The following PAQR3 variants were observed in gnomAD, a reference collection of about 807,000 sequenced individuals.
The protein encoded by PAQR3 is progestin and adipoQ receptor family member 3, also known as Raf kinase trapping to Golgi.
In PAQR3, 39 loss-of-function variants were observed where a neutral mutation model predicts 41.7. That is an observed-to-expected ratio of 0.93 (90% CI 0.72 to 1.22). PAQR3 has a LOEUF of 1.22. Ranked by LOEUF, PAQR3 falls within the 50% of genes most tolerant of loss-of-function variation. PAQR3 has a pLI of 0.00. For missense variants in PAQR3, 366 were observed against 385.6 expected (o/e 0.95, Z 0.42); for synonymous variants, 140 against 140.6 (o/e 1.00, Z 0.03).
intron 11 of PAQR3, among the ~76,000 whole-genome samples, chr4:78,901,529 G>A (rs1560554541): frequency 6.6e-6 from 1 of 152,114 alleles, no homozygotes; most frequent in Non-Finnish European, 1.5e-5. Context: ...GTTTAAGATG[G>A]TGCCATTCCT....
intron 11 of PAQR3, among the ~76,000 whole-genome samples, chr4:78,892,841 T>C (rs916218816): frequency 1.1e-4 from 16 of 152,224 alleles, no homozygotes; most frequent in African/African-American, 3.9e-4. Flanking sequence ...TGATAAAAAA[T>C]GCTAACAATC....
chr4:78,902,814 C>T (rs1222463534), intron 11 of PAQR3, among the ~76,000 whole-genome samples: 6 of 152,014 alleles, frequency 3.9e-5, no homozygotes, highest in African/African-American at 9.7e-5. Context: ...AAACATGCTT[C>T]TCTCTTCATA....
chr4:78,937,128 C>G (rs1368064672), intron 1 of PAQR3, among the ~76,000 whole-genome samples: 2 of 152,160 alleles, frequency 1.3e-5, no homozygotes, highest in Non-Finnish European at 2.9e-5. Flanking sequence ...CACGGCCAAC[C>G]CTTAGACTGA....
chr4:78,920,281 G>A lies in PAQR3; in HGVS notation c.*258C>T. 3 of 1,124,138 alleles carry A rather than the reference G, an allele frequency of 2.7e-6. No individual in the cohort carries two copies. The highest frequency in any genetic ancestry group is 3.3e-6 in the Non-Finnish European group (3 of 919,658). The allele number at this position is 1,124,138 out of a possible 1,614,324, so 69.6% of individuals were successfully genotyped here. On this transcript the variant is annotated 3_prime_UTR_variant, in exon 6 of 6. Coordinates refer to ENST00000512733, the MANE Select transcript of PAQR3 (RefSeq NM_001040202.2). ...TTTCAACACTAGTTTCCCATTCATCGTTGTTATTCAGATGTTTCTTATGAT... is the reference window on the plus strand; with the variant it reads ...TTTCAACACTAGTTTCCCATTCATCATTGTTATTCAGATGTTTCTTATGAT...
rs1391266290 is a variant in PAQR3, at chr4:78,913,834, CATT to C, written c.*6702_*6704del. Reference sequence around the variant, plus strand: ...TGTAGCAGAGGCAGACCAAGCATTACATTATTATTTAGAGCTGGACTGCACCAA... The same window carrying C: ...TGTAGCAGAGGCAGACCAAGCATTACATTATTTAGAGCTGGACTGCACCAA... On this transcript the variant is annotated 3_prime_UTR_variant, in exon 6 of 6. Transcript: ENST00000512733. 14 of 151,470 alleles carry C rather than the reference CATT, an allele frequency of 9.2e-5. No individual in the cohort carries two copies. The East Asian group carries it at 2.7e-3, about 29-fold the overall frequency. The allele number at this position is 151,470 out of a possible 1,614,324, so 9.4% of individuals were successfully genotyped here. A position where few individuals can be genotyped will look rare whatever the true frequency, so the allele number is the denominator to read the frequency against.
intron 5 of PAQR3, among the ~76,000 whole-genome samples, chr4:78,923,348 ATACTT>A (rs1735856030): frequency 6.6e-6 from 1 of 151,252 alleles, no homozygotes; most frequent in Non-Finnish European, 1.5e-5. Flanking sequence ...TTTTATTATT[ATACTT>A]TAAGTTCTAG....
chr4:78,905,885 A>G (rs1734258295), intron 11 of PAQR3, among the ~76,000 whole-genome samples: 1 of 152,022 alleles, frequency 6.6e-6, no homozygotes. Flanking sequence ...ATTCTTAGCT[A>G]GAGGTCACAT....
rs1735014410 is a variant in PAQR3 at position 78,915,896 on chromosome 4, A to G, written c.*4643T>C. On this transcript the variant is annotated 3_prime_UTR_variant, in exon 6 of 6. Transcript: ENST00000512733. ...TTGTGATTGAAAAGTCATCTAATAGAAGCTGTATAGAAGCTACTTTTTAAT... is the reference window on the plus strand; with the variant it reads ...TTGTGATTGAAAAGTCATCTAATAGGAGCTGTATAGAAGCTACTTTTTAAT... 1 of 151,936 alleles carries G rather than the reference A, an allele frequency of 6.6e-6. No individual in the cohort carries two copies. Among genetic ancestry groups the G allele is most frequent in the Non-Finnish European group, 1.5e-5 (1 of 67,888 alleles). 9.4% of individuals were successfully genotyped at this position (151,936 alleles called of 1,614,324 possible).
At position 78,919,674 on chromosome 4, in the gene PAQR3, G is replaced by A. The variant is rs1446647913; in HGVS notation, c.*865C>T. On this transcript the variant is annotated 3_prime_UTR_variant, in exon 6 of 6. Transcript: ENST00000512733. ...CAATGCTGGGAACCCCCACCACTGG[G>A]ATATTCAGGACTACAAATTCAGAGA... The A allele has an allele frequency of 1.0e-6, 1 of 984,990 alleles. No homozygotes were observed. The highest frequency in any genetic ancestry group is 1.2e-6 in the Non-Finnish European group (1 of 829,788). The allele number at this position is 984,990 out of a possible 1,614,324, so 61.0% of individuals were successfully genotyped here.
intron 1 of PAQR3, among the ~76,000 whole-genome samples, chr4:78,936,108 T>C (rs536188962): frequency 1.3e-5 from 2 of 152,310 alleles, no homozygotes; most frequent in South Asian, 4.1e-4. Context: ...CGGCTTCAGT[T>C]TCTTCATCTA....
At chr4:78,905,675 T>C (rs1383335506) in intron 11 of PAQR3, among the ~76,000 whole-genome samples, 4 of 152,052 alleles carry the variant, frequency 2.6e-5, no homozygotes, top group Non-Finnish European at 5.9e-5. Context: ...GCAACATATT[T>C]AGGCTTATAC....
chr4:78,888,060 C>T (rs1295787024), intron 12 of PAQR3: 1 of 152,184 alleles, frequency 6.6e-6, no homozygotes, highest in Admixed American at 6.5e-5. Flanking sequence ...GAAAAACTTA[C>T]AAATGTAAAG....
At position 78,914,723 on chromosome 4, in the gene PAQR3, T is replaced by C. The variant is rs1734898034; in HGVS notation, c.*5816A>G. The C allele has an allele frequency of 6.6e-6, 1 of 150,776 alleles. No individual in the cohort carries two copies. Among genetic ancestry groups the C allele is most frequent in the Non-Finnish European group, 1.5e-5 (1 of 67,618 alleles). The allele number at this position is 150,776 out of a possible 1,614,324, so 9.3% of individuals were successfully genotyped here. ...TTATATATGTACCACTAAGCAAATA[T>C]ATATATATATATATATTTGGGGTTT... On this transcript the variant is annotated 3_prime_UTR_variant, in exon 6 of 6. Coordinates refer to ENST00000512733, the MANE Select transcript of PAQR3 (RefSeq NM_001040202.2).
At chr4:78,938,251 C>A (rs548938852) in intron 1 of PAQR3, among the ~76,000 whole-genome samples, 1 of 152,162 alleles carries the variant, frequency 6.6e-6, no homozygotes, top group Non-Finnish European at 1.5e-5. Context: ...TATTTTAGTA[C>A]AGGTAGTAAG....
intron 5 of PAQR3, chr4:78,922,254 G>A: frequency 8.1e-7 from 1 of 1,232,206 alleles, no homozygotes; most frequent in Non-Finnish European, 1.0e-6. Flanking sequence ...GTTTTCCCTT[G>A]TATTTCCATT....
rs570193733 is a variant in PAQR3 at position 78,912,835 on chromosome 4, G to T, written c.*7704C>A. ...ATATGAAGAGAAATATCTGACATTT[G>T]TAAAGAAATTATAAGAAGAAAAAAA... On this transcript the variant is annotated 3_prime_UTR_variant, in exon 6 of 6. Transcript: ENST00000512733. 41 of 152,178 alleles carry T rather than the reference G, an allele frequency of 2.7e-4. 1 individual carries two copies. The highest frequency in any genetic ancestry group is 9.9e-4 in the African/African-American group (41 of 41,534). The allele number at this position is 152,178 out of a possible 1,614,324, so 9.4% of individuals were successfully genotyped here.
At chr4:78,909,487 C>T (rs1389889070), downstream of PAQR3, among the ~76,000 whole-genome samples, 1 of 152,120 alleles carries the variant, frequency 6.6e-6, no homozygotes, top group Non-Finnish European at 1.5e-5. Context: ...AGGACCTTCA[C>T]AGTCTGGCCT....
rs560966501 is a variant in PAQR3 at position 78,917,778 on chromosome 4, G to C, written c.*2761C>G. 2.6e-5 allele frequency: 25 copies of C among 979,076 alleles called. No individual in the cohort carries two copies. In the African/African-American group the frequency reaches 4.2e-4, roughly 16 times the overall value. 60.6% of individuals were successfully genotyped at this position (979,076 alleles called of 1,614,324 possible). A position where few individuals can be genotyped will look rare whatever the true frequency, so the allele number is the denominator to read the frequency against. ...GTAGGTACCTGCCAAATGGAGAGTTGTACAGTTTTACGGAAGTCAATCACA... is the reference window on the plus strand; with the variant it reads ...GTAGGTACCTGCCAAATGGAGAGTTCTACAGTTTTACGGAAGTCAATCACA... On this transcript the variant is annotated 3_prime_UTR_variant, in exon 6 of 6. Transcript: ENST00000512733.
Position 78,939,313 on chromosome 4 carries a change from C to T in PAQR3, c.-89G>A. ...GGGCTTCGCCGCTGGCGCCCCCGCC[C>T]CGGAGCCCGCGGACGCTGCGCGAGG... On this transcript the variant is annotated 5_prime_UTR_variant, in exon 1 of 6. Coordinates refer to ENST00000512733, the MANE Select transcript of PAQR3 (RefSeq NM_001040202.2). The T allele has an allele frequency of 7.8e-7, 1 of 1,280,018 alleles. No homozygotes were observed. Among genetic ancestry groups the T allele is most frequent in the Non-Finnish European group, 1.0e-6 (1 of 970,624 alleles). 79.3% of individuals were successfully genotyped at this position (1,280,018 alleles called of 1,614,324 possible). A position where few individuals can be genotyped will look rare whatever the true frequency, so the allele number is the denominator to read the frequency against.
Sources: gnomAD v4.1 joint callset for allele counts (sites outside exome capture counted in the v4.1 genomes callset) on GRCh38, gnomAD v4.1.1 for gene constraint, MANE v1.5 for transcripts, NCBI Gene and HGNC (gene_info 2026-07-23, HGNC 2026-07-21) for gene names.